RFTN2: variants seen among roughly 807,000 people sequenced by gnomAD.
RFTN2 encodes raftlin family member 2, also known as raftlin-2.
In RFTN2, 34 loss-of-function variants were observed where a neutral mutation model predicts 52.7. The ratio of observed to expected loss-of-function variants is 0.64; its 90% CI spans 0.49 to 0.86. RFTN2 has a LOEUF of 0.86. RFTN2 is among the 40% of genes least tolerant of loss of function. RFTN2 has a pLI of 0.00. For synonymous variants in RFTN2, 203 were observed against 217.7 expected (o/e 0.93, Z 0.59); for missense variants, 536 against 600.1 (o/e 0.89, Z 1.12).
chr2:197,589,418 G>A (rs1461316512), intron 8 of RFTN2, among the ~76,000 whole-genome samples: 3 of 152,002 alleles, frequency 2.0e-5, no homozygotes, highest in African/African-American at 7.3e-5. Context: ...TCTCAGGTAT[G>A]TCTTTATCAG....
chr2:197,673,217 A>G (rs2089170900), intron 1 of RFTN2, among the ~76,000 whole-genome samples: 1 of 152,096 alleles, frequency 6.6e-6, no homozygotes, highest in African/African-American at 2.4e-5. Flanking sequence ...GCCACTATTC[A>G]AGCCTCCTCC....
intron 8 of RFTN2, among the ~76,000 whole-genome samples, chr2:197,581,584 C>A (rs368739443): frequency 8.5e-5 from 13 of 152,260 alleles, no homozygotes; most frequent in African/African-American, 3.1e-4. Context: ...TACTTTGTAG[C>A]CCCTCCTTTA....
Position 197,643,812 on chromosome 2 carries a change from C to T in RFTN2, c.438+346G>A, listed in dbSNP as rs370111544. Among the ~76,000 whole-genome samples the T allele has an allele frequency of 7.2e-5, 11 of 152,246 alleles. No homozygotes were observed. The South Asian group carries it at 2.1e-3, about 29-fold the overall frequency. On this transcript the variant is annotated intron_variant, in intron 3 of 8. Coordinates refer to ENST00000295049, the MANE Select transcript of RFTN2 (RefSeq NM_144629.3). ...GTTTTTTTATATTAAAAAATTACCT[C>T]TTTATCTCATCTGAAATGTGGAATT...
intron 1 of RFTN2, among the ~76,000 whole-genome samples, chr2:197,662,021 G>A (rs1310835359): frequency 2.0e-5 from 3 of 152,140 alleles, no homozygotes; most frequent in Admixed American, 6.5e-5. Flanking sequence ...AGTTCCTTGT[G>A]TATATTCTGG....
intron 8 of RFTN2, among the ~76,000 whole-genome samples, chr2:197,573,703 A>G (rs1207284562): frequency 6.6e-6 from 1 of 152,248 alleles, no homozygotes; most frequent in Non-Finnish European, 1.5e-5. Context: ...AGGGCATTTC[A>G]TGGCAGCCCC....
At chr2:197,601,073 G>A (rs2087872848) in intron 7 of RFTN2, among the ~76,000 whole-genome samples, 2 of 152,216 alleles carry the variant, frequency 1.3e-5, no homozygotes, top group African/African-American at 4.8e-5. Context: ...GGACAGGTCA[G>A]CCAGGGCAGG....
At chr2:197,668,889 T>C (rs1359058354) in intron 1 of RFTN2, among the ~76,000 whole-genome samples, 1 of 152,138 alleles carries the variant, frequency 6.6e-6, no homozygotes, top group Non-Finnish European at 1.5e-5. Context: ...ATGGTTAGAA[T>C]TGCAGGGGTC....
chr2:197,578,602 C>A (rs1170404681), intron 8 of RFTN2, among the ~76,000 whole-genome samples: 1 of 152,152 alleles, frequency 6.6e-6, no homozygotes, highest in Non-Finnish European at 1.5e-5. Context: ...CAGAGAACAA[C>A]CCCCTTTGAC....
rs192171645 is a variant in RFTN2 at position 197,669,775 on chromosome 2, T to A, written c.139+5545A>T. On this transcript the variant is annotated intron_variant, in intron 1 of 8. Transcript: ENST00000295049. ...GTGACAGGCCACAGACCAGTACCAG[T>A]CTGCAGCCTGGGGGCTGGGGACCCC... Among the ~76,000 whole-genome samples, 48 of 152,290 alleles carry A rather than the reference T, an allele frequency of 3.2e-4. No homozygotes were observed. The East Asian group carries it at 8.7e-3, about 28-fold the overall frequency.
intron 5 of RFTN2, among the ~76,000 whole-genome samples, chr2:197,626,612 A>ATTTT (rs1559354723): frequency 9.1e-6 from 1 of 109,326 alleles, no homozygotes; most frequent in African/African-American, 3.6e-5. Context: ...AAAAGGAATA[A>ATTTT]TCTTCTTTTT....
chr2:197,615,582 A>T (rs1398138721), intron 7 of RFTN2, among the ~76,000 whole-genome samples: 5 of 142,530 alleles, frequency 3.5e-5, no homozygotes, highest in Non-Finnish European at 7.6e-5. Flanking sequence ...ACTGGAGGGG[A>T]GGTGGCAGAA....
chr2:197,632,770 A>T (rs776611038), intron 4 of RFTN2, among the ~76,000 whole-genome samples: 11 of 152,138 alleles, frequency 7.2e-5, no homozygotes, highest in Non-Finnish European at 1.6e-4. Context: ...ATGTGGCTAA[A>T]TGAATCTCTG....
chr2:197,642,590 C>G (rs2088690134), intron 3 of RFTN2, among the ~76,000 whole-genome samples: 2 of 152,138 alleles, frequency 1.3e-5, no homozygotes, highest in Non-Finnish European at 2.9e-5. Context: ...AATTTGGACC[C>G]TTATTCACTG....
At chr2:197,662,934 T>C (rs2088999865) in intron 1 of RFTN2, among the ~76,000 whole-genome samples, 1 of 152,090 alleles carries the variant, frequency 6.6e-6, no homozygotes, top group Non-Finnish European at 1.5e-5. Context: ...CCCCCTTCCA[T>C]TTATTTCCTC....
At chr2:197,655,054 A>G (rs746388453) in intron 1 of RFTN2, among the ~76,000 whole-genome samples, 2 of 152,178 alleles carry the variant, frequency 1.3e-5, no homozygotes, top group African/African-American at 2.4e-5. Flanking sequence ...TACAAACATT[A>G]GTCTGGGGCC....
chr2:197,590,007 A>G lies in RFTN2; in HGVS notation c.1233+5984T>C, dbSNP rs1228652348. Among the ~76,000 whole-genome samples, 15 of 152,030 alleles carry G rather than the reference A, an allele frequency of 9.9e-5. No homozygotes were observed. The East Asian group carries it at 2.9e-3, about 29-fold the overall frequency. On this transcript the variant is annotated intron_variant, in intron 8 of 8. Transcript: ENST00000295049. ...CAATAGCCTCCATCTCCCAGGCTCC[A>G]GCGATCCCCCCACCCCCACTCCCCC... is the stretch of plus-strand genomic sequence containing the variant.
At chr2:197,617,952 T>A (rs1410736230) in intron 5 of RFTN2, 31 bp from the exon 6 acceptor site, 8 of 1,546,484 alleles carry the variant, frequency 5.2e-6, no homozygotes, top group Non-Finnish European at 7.0e-6. Flanking sequence ...TTAAGAAGGG[T>A]TGTAAATACT....
intron 5 of RFTN2, among the ~76,000 whole-genome samples, chr2:197,623,889 A>T (rs1251290501): frequency 6.6e-6 from 1 of 151,894 alleles, no homozygotes; most frequent in Non-Finnish European, 1.5e-5. Context: ...GTCTCGAACT[A>T]CTGACCTCAA....
intron 8 of RFTN2, among the ~76,000 whole-genome samples, chr2:197,578,317 G>T (rs1042442587): frequency 1.3e-5 from 2 of 152,130 alleles, no homozygotes; most frequent in Non-Finnish European, 2.9e-5. Context: ...AATTTCAAAT[G>T]TTAAAAGATG....
Sources: allele counts gnomAD v4.1 joint callset (sites outside exome capture counted in the v4.1 genomes callset), GRCh38; gene constraint gnomAD v4.1.1; transcripts MANE v1.5; gene names NCBI Gene and HGNC (gene_info 2026-07-23, HGNC 2026-07-21).